NCK2: variants seen among roughly 807,000 people sequenced by gnomAD.
NCK2 encodes the protein NCK adaptor protein 2.
A neutral mutation model predicts 33.9 loss-of-function variants in NCK2; 16 were observed. That is an observed-to-expected ratio of 0.47 (90% CI 0.32 to 0.72). The LOEUF is 0.72. Ranked by LOEUF, NCK2 falls within the 30% of genes least tolerant of loss-of-function variation. The pLI, the probability that NCK2 is intolerant of heterozygous loss-of-function variation, is 0.03. For synonymous variants in NCK2, 273 were observed against 239.9 expected (o/e 1.14, Z -1.27); for missense variants, 418 against 537.3 (o/e 0.78, Z 2.19).
chr2:105,869,901 T>C (rs776777209), intron 3 of NCK2, among the ~76,000 whole-genome samples: 1 of 152,244 alleles, frequency 6.6e-6, no homozygotes, highest in African/African-American at 2.4e-5. Flanking sequence ...GAAAATTCTA[T>C]ACTTTTAGAC....
intron 1 of NCK2, among the ~76,000 whole-genome samples, chr2:105,815,957 G>A (rs746893563): frequency 6.6e-6 from 1 of 152,162 alleles, no homozygotes; most frequent in Non-Finnish European, 1.5e-5. Flanking sequence ...ATTATGGGCT[G>A]GCTGTTCCCC....
intron 3 of NCK2, among the ~76,000 whole-genome samples, chr2:105,870,461 TAAG>T (rs1003698412): frequency 2.6e-5 from 4 of 151,988 alleles, no homozygotes; most frequent in Admixed American, 6.6e-5. Flanking sequence ...TGCCTAGAAA[TAAG>T]AAAAGTCAGG....
chr2:105,850,285 G>A (rs1290182009), intron 2 of NCK2, among the ~76,000 whole-genome samples: 2 of 152,184 alleles, frequency 1.3e-5, no homozygotes, highest in Admixed American at 1.3e-4. Context: ...TGTTAACCCA[G>A]CAAGATACGG....
At chr2:105,866,149 G>A (rs545776617) in intron 3 of NCK2, among the ~76,000 whole-genome samples, 213 of 152,196 alleles carry the variant, frequency 1.4e-3, no homozygotes, top group African/African-American at 5.0e-3. Context: ...CCTGACCTCA[G>A]GTGATCCACC....
intron 1 of NCK2, among the ~76,000 whole-genome samples, chr2:105,763,140 G>A (rs1176420104): frequency 7.2e-5 from 11 of 152,194 alleles, no homozygotes; most frequent in African/African-American, 2.7e-4. Context: ...AGAGGTTGCA[G>A]TGAGCCGAGA....
intron 3 of NCK2, among the ~76,000 whole-genome samples, chr2:105,866,612 C>T (rs1199897887): frequency 6.6e-6 from 1 of 152,218 alleles, no homozygotes; most frequent in Non-Finnish European, 1.5e-5. Context: ...AGTGTTTGCG[C>T]TCCTGTGAGA....
chr2:105,758,983 T>C (rs944306280), intron 1 of NCK2, among the ~76,000 whole-genome samples: 4 of 152,252 alleles, frequency 2.6e-5, no homozygotes, highest in African/African-American at 9.6e-5. Context: ...CCCTTAGCTT[T>C]TGGTGACATG....
chr2:105,876,986 G>T (rs983108375), intron 3 of NCK2, among the ~76,000 whole-genome samples: 2 of 152,116 alleles, frequency 1.3e-5, no homozygotes, highest in Admixed American at 1.3e-4. Flanking sequence ...AGCAGAAACC[G>T]TCCCTTTGAG....
intron 1 of NCK2, among the ~76,000 whole-genome samples, chr2:105,761,125 C>T (rs1689751588): frequency 6.6e-6 from 1 of 152,194 alleles, no homozygotes; most frequent in Non-Finnish European, 1.5e-5. Context: ...TGAGGCCATG[C>T]TGGTGTGCCT....
At chr2:105,812,135 C>G (rs1311530400) in intron 1 of NCK2, among the ~76,000 whole-genome samples, 1 of 152,072 alleles carries the variant, frequency 6.6e-6, no homozygotes, top group African/African-American at 2.4e-5. Context: ...AAACTTGATA[C>G]TTTTACTTTT....
At chr2:105,835,890 T>C (rs1364289973) in intron 2 of NCK2, among the ~76,000 whole-genome samples, 1 of 151,824 alleles carries the variant, frequency 6.6e-6, no homozygotes, top group Non-Finnish European at 1.5e-5. Context: ...TCAGAAATTC[T>C]TTCTTCTGCT....
At chr2:105,760,508 TC>T (rs1340911532) in intron 1 of NCK2, among the ~76,000 whole-genome samples, 6 of 152,166 alleles carry the variant, frequency 3.9e-5, no homozygotes, top group African/African-American at 1.4e-4. Context: ...TCCTTGCCGT[TC>T]ACACCTCTTC....
intron 4 of NCK2, 72 bp from the exon 5 acceptor site, chr2:105,892,908 CAA>C (rs1679048320): frequency 7.8e-7 from 1 of 1,284,116 alleles, no homozygotes; most frequent in African/African-American, 1.5e-5. Context: ...TTTAGACGCA[CAA>C]GAGATGTGGA....
intron 4 of NCK2, among the ~76,000 whole-genome samples, chr2:105,884,774 T>C (rs1046223185): frequency 2.0e-5 from 3 of 152,218 alleles, no homozygotes; most frequent in African/African-American, 7.2e-5. Flanking sequence ...TGAACTTCAG[T>C]ACCTACTGCT....
chr2:105,822,909 C>T (rs917932702), intron 2 of NCK2, among the ~76,000 whole-genome samples: 18 of 152,124 alleles, frequency 1.2e-4, no homozygotes, highest in African/African-American at 4.3e-4. Context: ...GGATGGTGAC[C>T]TGTGTCTCAC....
chr2:105,747,592 A>G (rs1689327658), intron 1 of NCK2, among the ~76,000 whole-genome samples: 1 of 152,248 alleles, frequency 6.6e-6, no homozygotes, highest in Admixed American at 6.5e-5. Flanking sequence ...CTGGAACTAC[A>G]GGGGAGGATG....
chr2:105,815,585 C>T (rs1340858397), intron 1 of NCK2, among the ~76,000 whole-genome samples: 5 of 152,200 alleles, frequency 3.3e-5, no homozygotes, highest in African/African-American at 9.6e-5. Context: ...GTGAACATAA[C>T]GCAGCTGCCA....
At chr2:105,872,520 T>C (rs1678058657) in intron 3 of NCK2, among the ~76,000 whole-genome samples, 2 of 152,206 alleles carry the variant, frequency 1.3e-5, no homozygotes, top group South Asian at 2.1e-4. Context: ...CCGTTGGTCA[T>C]CTGCAACTTG....
intron 3 of NCK2, among the ~76,000 whole-genome samples, chr2:105,867,918 A>T (rs940124938): frequency 1.3e-5 from 2 of 152,224 alleles, no homozygotes; most frequent in Non-Finnish European, 2.9e-5. Flanking sequence ...TCTTCCTAGC[A>T]TGTTTCTGTC....
Sources: gnomAD v4.1 joint callset for allele counts (sites outside exome capture counted in the v4.1 genomes callset) on GRCh38, gnomAD v4.1.1 for gene constraint, MANE v1.5 for transcripts, NCBI Gene and HGNC (gene_info 2026-07-23, HGNC 2026-07-21) for gene names.